Variants in ZMYND11 observed in about 807,000 individuals in gnomAD.
ZMYND11 encodes zinc finger MYND-type containing 11.
Under a neutral mutation model 84.9 loss-of-function variants are expected in ZMYND11, and 9 were observed. The ratio of observed to expected loss-of-function variants is 0.11; its 90% CI spans 0.06 to 0.18. ZMYND11 has a LOEUF of 0.18. ZMYND11 is among the 10% of genes least tolerant of loss of function. ZMYND11 has a pLI of 1.00. For synonymous variants in ZMYND11, 250 were observed against 244.1 expected, an observed-to-expected ratio of 1.02 and a Z score of -0.23; for missense variants, 409 against 761.0, an observed-to-expected ratio of 0.54 and a Z score of 5.44.
At chr10:225,362 GT>G (rs1564413303) in intron 4 of ZMYND11, among the ~76,000 whole-genome samples, 1 of 151,898 alleles carries the variant, frequency 6.6e-6, no homozygotes, top group East Asian at 1.9e-4. Flanking sequence ...TTTTTTATGT[GT>G]GTTTTTAGGC....
chr10:193,326 AG>A (rs1329736021), intron 2 of ZMYND11, among the ~76,000 whole-genome samples: 1 of 152,196 alleles, frequency 6.6e-6, no homozygotes, highest in Non-Finnish European at 1.5e-5. Flanking sequence ...GAGATATTTT[AG>A]GGGCCCTTAC....
intron 1 of ZMYND11, chr10:154,958 T>C (rs1841356531): frequency 6.6e-6 from 1 of 152,220 alleles, no homozygotes; most frequent in African/African-American, 2.4e-5. Context: ...TTCTATTAAT[T>C]GGACATCTTT....
chr10:138,567 T>C (rs1339225759), intron 1 of ZMYND11, among the ~76,000 whole-genome samples: 2 of 152,216 alleles, frequency 1.3e-5, no homozygotes, highest in Admixed American at 1.3e-4. Flanking sequence ...TGGCATACCT[T>C]AATTGAGACA....
chr10:250,541 C>G (rs1433267699), intron 14 of ZMYND11, among the ~76,000 whole-genome samples: 1 of 151,828 alleles, frequency 6.6e-6, no homozygotes, highest in Non-Finnish European at 1.5e-5. Context: ...ACTAAAGAAT[C>G]AAGAAAATGG....
intron 3 of ZMYND11, among the ~76,000 whole-genome samples, chr10:219,797 A>G (rs769091902): frequency 1.3e-5 from 2 of 152,176 alleles, no homozygotes; most frequent in Non-Finnish European, 2.9e-5. Flanking sequence ...AAGTTTGCAG[A>G]GTGTATACAT....
upstream of ZMYND11, among the ~76,000 whole-genome samples, chr10:131,218 G>A (rs1835306139): frequency 6.6e-6 from 1 of 152,236 alleles, no homozygotes; most frequent in African/African-American, 2.4e-5. Flanking sequence ...TTCATCTTGT[G>A]TGATGAGTTG....
intron 3 of ZMYND11, among the ~76,000 whole-genome samples, chr10:212,187 G>T (rs753446166): frequency 1.3e-5 from 2 of 151,726 alleles, no homozygotes; most frequent in African/African-American, 2.4e-5. Context: ...AAGTTTTTTT[G>T]TTTAGTTTAA....
At chr10:230,151 G>C (rs571673648) in intron 4 of ZMYND11, among the ~76,000 whole-genome samples, 1 of 152,090 alleles carries the variant, frequency 6.6e-6, no homozygotes, top group Non-Finnish European at 1.5e-5. Context: ...GAGGCCACCT[G>C]TACAGGAATC....
chr10:192,670 G>C (rs1588828764), intron 2 of ZMYND11, among the ~76,000 whole-genome samples: 1 of 152,246 alleles, frequency 6.6e-6, no homozygotes, highest in East Asian at 1.9e-4. Flanking sequence ...CCGTCTTCGT[G>C]CTGGGTAGCG....
chr10:144,846 A>G (rs1449504889), intron 1 of ZMYND11, among the ~76,000 whole-genome samples: 1 of 150,258 alleles, frequency 6.7e-6, no homozygotes, highest in Non-Finnish European at 1.5e-5. Flanking sequence ...TGCACCCATC[A>G]CCTGAGTAGT....
intron 3 of ZMYND11, among the ~76,000 whole-genome samples, chr10:211,542 G>A (rs184662196): frequency 3.5e-4 from 53 of 152,324 alleles, no homozygotes; most frequent in African/African-American, 1.2e-3. Context: ...GCAAGTGCCT[G>A]TGGGGAGGTG....
chr10:191,764 C>G (rs1940472872), intron 2 of ZMYND11, among the ~76,000 whole-genome samples: 1 of 152,118 alleles, frequency 6.6e-6, no homozygotes, highest in Non-Finnish European at 1.5e-5. Context: ...AAATCAGATA[C>G]TCATTTTGAT....
At chr10:215,545 G>A (rs183784071) in intron 3 of ZMYND11, among the ~76,000 whole-genome samples, 149 of 151,812 alleles carry the variant, frequency 9.8e-4, no homozygotes, top group Non-Finnish European at 6.9e-4. Context: ...AGGCCTAGGG[G>A]GCATCTTTGT....
intron 1 of ZMYND11, among the ~76,000 whole-genome samples, chr10:153,999 G>C (rs1841054698): frequency 6.6e-6 from 1 of 152,212 alleles, no homozygotes; most frequent in Non-Finnish European, 1.5e-5. Flanking sequence ...TCCTGACCCT[G>C]TGTAAAGAGA....
intron 14 of ZMYND11, among the ~76,000 whole-genome samples, chr10:250,272 G>C (rs529691886): frequency 6.6e-6 from 1 of 152,312 alleles, no homozygotes; most frequent in Admixed American, 6.5e-5. Context: ...GACTGAATTT[G>C]TGTGATCAAC....
intron 2 of ZMYND11, among the ~76,000 whole-genome samples, chr10:194,109 C>T (rs760633227): frequency 4.6e-5 from 7 of 152,214 alleles, no homozygotes; most frequent in African/African-American, 7.2e-5. Flanking sequence ...TTCAGCCTCT[C>T]GAGTAGCTGG....
intron 1 of ZMYND11, among the ~76,000 whole-genome samples, chr10:159,636 T>C (rs1187380376): frequency 1.3e-5 from 2 of 152,196 alleles, no homozygotes; most frequent in Non-Finnish European, 2.9e-5. Context: ...ATATTAGGGA[T>C]ATTAGCTCTG....
chr10:209,389 T>C (rs1944775123), intron 2 of ZMYND11, among the ~76,000 whole-genome samples: 1 of 152,200 alleles, frequency 6.6e-6, no homozygotes, highest in Admixed American at 6.5e-5. Flanking sequence ...ATGCTTTCCT[T>C]ATATGTTGAC....
At chr10:161,315 G>C (rs1210374993) in intron 1 of ZMYND11, among the ~76,000 whole-genome samples, 1 of 152,174 alleles carries the variant, frequency 6.6e-6, no homozygotes, top group African/African-American at 2.4e-5. Flanking sequence ...AAAATATTCT[G>C]TAAACCATTC....
Sources: allele counts gnomAD v4.1 joint callset (sites outside exome capture counted in the v4.1 genomes callset), GRCh38; gene constraint gnomAD v4.1.1; transcripts MANE v1.5; gene names NCBI Gene and HGNC (gene_info 2026-07-23, HGNC 2026-07-21).